The following RPS6KA5 variants were observed in gnomAD, a reference collection of about 807,000 sequenced individuals.
RPS6KA5 encodes the protein ribosomal protein S6 kinase A5.
Under a neutral mutation model 85.5 loss-of-function variants are expected in RPS6KA5, and 27 were observed. The observed-to-expected ratio is 0.32, with a 90% confidence interval of 0.23 to 0.44. The LOEUF (loss-of-function observed/expected upper bound fraction) is 0.44, where lower values mean the gene tolerates loss of function less well. RPS6KA5 is among the 20% of genes least tolerant of loss of function. The pLI, the probability that RPS6KA5 is intolerant of heterozygous loss-of-function variation, is 1.00. For synonymous variants in RPS6KA5, 334 were observed against 348.2 expected, an observed-to-expected ratio of 0.96 and a Z score of 0.46; for missense variants, 811 against 980.9, an observed-to-expected ratio of 0.83 and a Z score of 2.31.
intron 5 of RPS6KA5, among the ~76,000 whole-genome samples, chr14:90,925,495 G>A (rs2036609085): frequency 1.3e-5 from 2 of 152,106 alleles, no homozygotes; most frequent in African/African-American, 4.8e-5. Flanking sequence ...CTTCTGCACG[G>A]TGTGGGGAAG....
At chr14:90,910,153 A>G (rs1013964305) in intron 7 of RPS6KA5, among the ~76,000 whole-genome samples, 12 of 152,222 alleles carry the variant, frequency 7.9e-5, no homozygotes, top group Non-Finnish European at 1.5e-4. Context: ...CCAGCTGTAC[A>G]GGAAATAAAA....
intron 1 of RPS6KA5, among the ~76,000 whole-genome samples, chr14:91,007,489 T>A (rs545978630): frequency 6.6e-6 from 1 of 152,216 alleles, no homozygotes; most frequent in Non-Finnish European, 1.5e-5. Context: ...GCTTAAACCA[T>A]GCTCCTCTCA....
Position 91,060,070 on chromosome 14 carries a change from C to T in RPS6KA5, c.103+262G>A, listed in dbSNP as rs558806300. ...CCTCGGAGGTGCGTGCCACGGGCAG[C>T]GGTCGGCGGCTGCGCTGGCCCCGAT... On this transcript the variant is annotated intron_variant, in intron 1 of 16. Coordinates refer to ENST00000614987, the MANE Select transcript of RPS6KA5 (RefSeq NM_004755.4). 1.9e-3 allele frequency: 1,888 copies of T among 985,396 alleles called. 1 individual carries two copies. The highest frequency in any genetic ancestry group is 3.1e-3 in the Admixed American group (51 of 16,292). The allele number at this position is 985,396 out of a possible 1,614,324, so 61.0% of individuals were successfully genotyped here.
chr14:90,986,666 T>A (rs2040067599), intron 2 of RPS6KA5, among the ~76,000 whole-genome samples: 1 of 152,074 alleles, frequency 6.6e-6, no homozygotes, highest in South Asian at 2.1e-4. Flanking sequence ...CTGCTGTGAG[T>A]GTTGGCTGCT....
intron 2 of RPS6KA5, among the ~76,000 whole-genome samples, chr14:90,994,317 A>C (rs767846727): frequency 5.3e-5 from 8 of 152,024 alleles, no homozygotes; most frequent in Admixed American, 5.2e-4. Flanking sequence ...AGCATCCATT[A>C]AGTTTATACT....
intron 1 of RPS6KA5, among the ~76,000 whole-genome samples, chr14:91,017,237 A>G (rs890389663): frequency 1.3e-5 from 2 of 152,242 alleles, no homozygotes; most frequent in African/African-American, 4.8e-5. Flanking sequence ...CCAGGTTGAT[A>G]ACACTGAACT....
intron 4 of RPS6KA5, among the ~76,000 whole-genome samples, chr14:90,944,696 G>A (rs377247252): frequency 4.6e-5 from 7 of 151,720 alleles, no homozygotes; most frequent in South Asian, 2.1e-4. Context: ...TGGAGGTTAC[G>A]GTGAGCTGAG....
At chr14:91,041,611 C>T (rs965198322) in intron 1 of RPS6KA5, among the ~76,000 whole-genome samples, 5 of 152,184 alleles carry the variant, frequency 3.3e-5, no homozygotes, top group African/African-American at 1.2e-4. Flanking sequence ...TAAAAATAAG[C>T]TAAATAGCTA....
rs1023870916 is a variant in RPS6KA5 at position 90,862,311 on chromosome 14, C to T, written c.*9763G>A. ...GGAATAATATCAGGTGCAAACTCTT[C>T]CAGAGTGTAGAAAAAAAGGGAACAC... On this transcript the variant is annotated 3_prime_UTR_variant, in exon 17 of 17. Transcript: ENST00000614987. 6.6e-6 allele frequency: 1 copy of T among 150,704 alleles called. No individual in the cohort carries two copies. The highest frequency in any genetic ancestry group is 2.5e-5 in the African/African-American group (1 of 40,692). 9.3% of individuals were successfully genotyped at this position (150,704 alleles called of 1,614,324 possible).
rs941501280 is a variant in RPS6KA5 at position 90,910,645 on chromosome 14, A to T, written c.807-4346T>A. On this transcript the variant is annotated intron_variant, in intron 7 of 16. Coordinates refer to ENST00000614987, the MANE Select transcript of RPS6KA5 (RefSeq NM_004755.4). The stretch of plus-strand genomic sequence containing the variant: ...CCTTTAAGCACAAGTCTTAGTAACA[A>T]TAGGCGATGCTCACTTCTTTTATTA... Among the ~76,000 whole-genome samples the T allele has an allele frequency of 2.0e-5, 3 of 151,624 alleles. No individual in the cohort carries two copies. In the East Asian group the frequency reaches 5.8e-4, roughly 29 times the overall value.
chr14:90,972,168 C>A (rs895747843), intron 3 of RPS6KA5, among the ~76,000 whole-genome samples: 4 of 152,154 alleles, frequency 2.6e-5, no homozygotes, highest in African/African-American at 9.7e-5. Flanking sequence ...ATAAAAATGT[C>A]AAGTCTCCCT....
At chr14:90,938,369 G>A (rs1349365778) in intron 5 of RPS6KA5, among the ~76,000 whole-genome samples, 1 of 152,176 alleles carries the variant, frequency 6.6e-6, no homozygotes, top group African/African-American at 2.4e-5. Flanking sequence ...GCTTTTCCAG[G>A]TGCACGGTGC....
chr14:91,020,807 A>C (rs2041738585), intron 1 of RPS6KA5, among the ~76,000 whole-genome samples: 1 of 151,946 alleles, frequency 6.6e-6, no homozygotes, highest in South Asian at 2.1e-4. Flanking sequence ...CTTAGGTCTC[A>C]TTTCATCTGG....
chr14:90,957,660 C>G (rs1466400835), intron 3 of RPS6KA5, among the ~76,000 whole-genome samples: 3 of 152,138 alleles, frequency 2.0e-5, no homozygotes, highest in Non-Finnish European at 4.4e-5. Context: ...CCAATAAATT[C>G]AGGCCCATTT....
chr14:90,966,972 T>G (rs1223000444), intron 3 of RPS6KA5, among the ~76,000 whole-genome samples: 4 of 152,216 alleles, frequency 2.6e-5, no homozygotes, highest in Non-Finnish European at 5.9e-5. Context: ...GTCTTCAGAC[T>G]TATTCTGTTT....
Position 90,849,642 on chromosome 14 carries a change from A to G in RPS6KA5, c.*22432T>C, listed in dbSNP as rs943702. On this transcript the variant is annotated 3_prime_UTR_variant, in exon 17 of 17. Coordinates refer to ENST00000614987, the MANE Select transcript of RPS6KA5 (RefSeq NM_004755.4). ...ACCATGGAGGTGTGTGTGGATGTGT[A>G]CGCACACAGGAGAGAGTCGGGGCTG... 0.29 allele frequency: 44,796 copies of G among 152,122 alleles called. 6,802 individuals are homozygous for G. Among genetic ancestry groups the G allele is most frequent in the African/African-American group, 0.35 (14,379 of 41,400 alleles). The allele number at this position is 152,122 out of a possible 1,614,324, so 9.4% of individuals were successfully genotyped here.
At chr14:91,014,025 G>A (rs544108712) in intron 1 of RPS6KA5, among the ~76,000 whole-genome samples, 7 of 152,138 alleles carry the variant, frequency 4.6e-5, no homozygotes, top group Admixed American at 1.3e-4. Flanking sequence ...TGACCACGAC[G>A]TCATAAAGTA....
chr14:90,972,864 G>A (rs1363811962), intron 3 of RPS6KA5, among the ~76,000 whole-genome samples: 3 of 152,150 alleles, frequency 2.0e-5, no homozygotes. Flanking sequence ...TACTTTATGA[G>A]CTCCTAGAAA....
chr14:90,959,820 T>C (rs887395202), intron 3 of RPS6KA5, among the ~76,000 whole-genome samples: 3 of 152,200 alleles, frequency 2.0e-5, no homozygotes, highest in Non-Finnish European at 4.4e-5. Flanking sequence ...TTTTGTGAGA[T>C]TTGCCAAGGA....
Sources: allele counts gnomAD v4.1 joint callset (sites outside exome capture counted in the v4.1 genomes callset), GRCh38; gene constraint gnomAD v4.1.1; transcripts MANE v1.5; gene names NCBI Gene and HGNC (gene_info 2026-07-23, HGNC 2026-07-21).